Variants in TUSC3 observed in about 807,000 individuals in gnomAD.
TUSC3 encodes the protein tumor suppressor candidate 3.
TUSC3 carries 45 observed loss-of-function variants against 44.8 expected under a neutral mutation model. That is an observed-to-expected ratio of 1.00 (90% CI 0.79 to 1.29). TUSC3 has a LOEUF of 1.29. Among genes scored for constraint, TUSC3 ranks in the 50% most tolerant of loss-of-function variants. The pLI is 0.00. For synonymous variants in TUSC3, 212 were observed against 152.9 expected (o/e 1.39, Z -2.85); for missense variants, 519 against 437.9 (o/e 1.19, Z -1.65).
the TUSC3 span, among the ~76,000 whole-genome samples, chr8:15,813,951 C>T: frequency 1.3e-5 from 2 of 152,260 alleles, no homozygotes; most frequent in African/African-American, 4.8e-5. Context: ...GTCACTTAAC[C>T]TCTGTGTGTC....
At chr8:15,688,571 A>C (rs1440552766) in intron 6 of TUSC3, among the ~76,000 whole-genome samples, 1 of 151,832 alleles carries the variant, frequency 6.6e-6, no homozygotes, top group East Asian at 1.9e-4. Flanking sequence ...GGGTAGTTTT[A>C]TGATCCTCAC....
chr8:15,523,664 A>ATATATATATGTG (rs1345376349), intron 2 of TUSC3, among the ~76,000 whole-genome samples: 1 of 42,520 alleles, frequency 2.4e-5, no homozygotes, highest in Admixed American at 2.9e-4. Context: ...ATATATATAT[A>ATATATATATGTG]TGTGTGTGTG....
At chr8:15,519,379 A>G (rs1395453325) in intron 2 of TUSC3, among the ~76,000 whole-genome samples, 6 of 152,148 alleles carry the variant, frequency 3.9e-5, no homozygotes, top group Non-Finnish European at 8.8e-5. Flanking sequence ...GCTTTCAACA[A>G]GCTTATTACT....
chr8:15,802,713 A>C, the TUSC3 span, among the ~76,000 whole-genome samples: 4 of 151,780 alleles, frequency 2.6e-5, no homozygotes, highest in Admixed American at 6.6e-5. Flanking sequence ...CATATAGTCC[A>C]TCTGTGACCA....
chr8:15,689,206 C>A, intron 6 of TUSC3: 2 of 363,588 alleles, frequency 5.5e-6, no homozygotes, highest in Non-Finnish European at 1.1e-5. Context: ...GCTAAGCATT[C>A]CATTTTCTCT....
chr8:15,439,552 G>A (rs1479610823), intron 1 of TUSC3, among the ~76,000 whole-genome samples: 2 of 152,188 alleles, frequency 1.3e-5, no homozygotes, highest in African/African-American at 4.8e-5. Flanking sequence ...GCAAGACCCT[G>A]TCTCAAAATG....
In TUSC3 at chr8:15,752,504, A is replaced by G. The variant is rs145320433; in HGVS notation, c.1028+4039A>G. ...AATTCAAATTCTAGATGTTTGCAAA[A>G]CTAATAATTATTTTTCCAGATGAGT... On this transcript the variant is annotated intron_variant, in intron 9 of 10. Transcript: ENST00000503731. Among the ~76,000 whole-genome samples, 973 of 152,232 alleles carry G rather than the reference A, an allele frequency of 6.4e-3. 10 individuals carry two copies. Among genetic ancestry groups the G allele is most frequent in the African/African-American group, 0.022 (924 of 41,572 alleles).
the TUSC3 span, among the ~76,000 whole-genome samples, chr8:15,828,060 T>A: frequency 6.6e-6 from 1 of 150,500 alleles, no homozygotes; most frequent in Admixed American, 6.7e-5. Context: ...AGTGGCACGA[T>A]CTTGGCTCAC....
chr8:15,612,001 G>C (rs1026012023), intron 1 of TUSC3, among the ~76,000 whole-genome samples: 3 of 152,128 alleles, frequency 2.0e-5, no homozygotes, highest in East Asian at 1.9e-4. Flanking sequence ...AAAAGTAAAG[G>C]CTTCTTGTTC....
At chr8:15,771,945 C>T in the TUSC3 span, among the ~76,000 whole-genome samples, 1 of 151,866 alleles carries the variant, frequency 6.6e-6, no homozygotes, top group Non-Finnish European at 1.5e-5. Flanking sequence ...AAAAATTAGC[C>T]AGGTGTGGTA....
At chr8:15,827,437 G>C in the TUSC3 span, among the ~76,000 whole-genome samples, 1 of 152,122 alleles carries the variant, frequency 6.6e-6, no homozygotes, top group Non-Finnish European at 1.5e-5. Context: ...TCAATGGGTA[G>C]TGTTCAGTTT....
intron 8 of TUSC3, among the ~76,000 whole-genome samples, chr8:15,746,081 C>CTTTA (rs1312723982): frequency 6.6e-6 from 1 of 151,986 alleles, no homozygotes; most frequent in Admixed American, 6.6e-5. Context: ...GAGTGTGCAG[C>CTTTA]TTTATTTCTG....
intron 2 of TUSC3, among the ~76,000 whole-genome samples, chr8:15,521,253 C>T (rs947784360): frequency 5.3e-5 from 8 of 152,210 alleles, no homozygotes; most frequent in Middle Eastern, 3.4e-3. Context: ...TTCTTAGGGA[C>T]GCTTGATCCT....
chr8:15,510,632 T>G (rs1456938822), intron 2 of TUSC3, among the ~76,000 whole-genome samples: 1 of 152,134 alleles, frequency 6.6e-6, no homozygotes, highest in Admixed American at 6.5e-5. Context: ...CCCAGATGGC[T>G]CTCTTGATAA....
intron 2 of TUSC3, among the ~76,000 whole-genome samples, chr8:15,506,751 C>A (rs1383862177): frequency 6.6e-6 from 1 of 152,084 alleles, no homozygotes; most frequent in South Asian, 2.1e-4. Flanking sequence ...CAAGTCCCTC[C>A]CACAACACGT....
chr8:15,518,028 C>T (rs997384782), intron 2 of TUSC3, among the ~76,000 whole-genome samples: 5 of 151,976 alleles, frequency 3.3e-5, no homozygotes, highest in African/African-American at 1.2e-4. Flanking sequence ...CTACCTCCTC[C>T]TTACCCCTTT....
chr8:15,588,454 TA>T (rs1354332543), intron 1 of TUSC3, among the ~76,000 whole-genome samples: 3 of 152,194 alleles, frequency 2.0e-5, no homozygotes, highest in Non-Finnish European at 2.9e-5. Context: ...ATATTCTGGA[TA>T]TTCGTTCCTT....
chr8:15,707,656 C>G (rs985266294), intron 6 of TUSC3, among the ~76,000 whole-genome samples: 1 of 151,860 alleles, frequency 6.6e-6, no homozygotes, highest in African/African-American at 2.4e-5. Flanking sequence ...CTAGATGACT[C>G]TATAGGAGAT....
intron 1 of TUSC3, among the ~76,000 whole-genome samples, chr8:15,622,158 A>G (rs1010078490): frequency 2.6e-5 from 4 of 152,048 alleles, no homozygotes; most frequent in African/African-American, 9.7e-5. Context: ...CCCTCTCCTG[A>G]CCGCTTATAC....
Sources: allele counts gnomAD v4.1 joint callset (sites outside exome capture counted in the v4.1 genomes callset), GRCh38; gene constraint gnomAD v4.1.1; transcripts MANE v1.5; gene names NCBI Gene and HGNC (gene_info 2026-07-23, HGNC 2026-07-21).